The following XYLT1 variants were observed in gnomAD, a reference collection of about 807,000 sequenced individuals.
The protein encoded by XYLT1 is xylosyltransferase 1, also known as beta-D-xylosyltransferase 1.
Under a neutral mutation model 91.3 loss-of-function variants are expected in XYLT1, and 36 were observed. That is an observed-to-expected ratio of 0.39 (90% CI 0.30 to 0.52). The LOEUF (loss-of-function observed/expected upper bound fraction) is 0.52. Among genes scored for constraint, XYLT1 ranks in the 20% least tolerant of loss-of-function variants. XYLT1 has a pLI of 0.68. For synonymous variants in XYLT1, 588 were observed against 532.0 expected (o/e 1.11, Z -1.45); for missense variants, 1,242 against 1,284.5 (o/e 0.97, Z 0.51).
intron 3 of XYLT1, among the ~76,000 whole-genome samples, chr16:17,210,689 T>C (rs2032740998): frequency 1.3e-5 from 2 of 152,212 alleles, no homozygotes; most frequent in South Asian, 4.1e-4. Flanking sequence ...GGATTACAGG[T>C]GTGAGCCACC....
intron 2 of XYLT1, among the ~76,000 whole-genome samples, chr16:17,334,925 A>G (rs150337478): frequency 2.5e-4 from 38 of 151,558 alleles, no homozygotes; most frequent in Admixed American, 1.1e-3. Context: ...TATGGGTCCA[A>G]TAAAAACTAG....
chr16:17,126,704 CT>C (rs2030272688), intron 10 of XYLT1, among the ~76,000 whole-genome samples: 1 of 152,194 alleles, frequency 6.6e-6, no homozygotes, highest in Admixed American at 6.5e-5. Flanking sequence ...AAATCACGTC[CT>C]TAGCACTTAG....
chr16:17,384,581 T>C (rs1233877957), intron 1 of XYLT1, among the ~76,000 whole-genome samples: 1 of 151,916 alleles, frequency 6.6e-6, no homozygotes, highest in East Asian at 2.0e-4. Flanking sequence ...ATACTTTGAA[T>C]TGACTGAATC....
chr16:17,122,415 A>C (rs1052346206), intron 10 of XYLT1, among the ~76,000 whole-genome samples: 9 of 152,182 alleles, frequency 5.9e-5, no homozygotes, highest in Non-Finnish European at 1.0e-4. Context: ...CGGTCTATTC[A>C]TGGCCTTAGC....
At chr16:17,392,952 G>A (rs1385580830) in intron 1 of XYLT1, among the ~76,000 whole-genome samples, 1 of 152,254 alleles carries the variant, frequency 6.6e-6, no homozygotes, top group East Asian at 1.9e-4. Context: ...AATGCAAGAT[G>A]TGGGTTCGGT....
chr16:17,382,335 T>C (rs2035692453), intron 1 of XYLT1, among the ~76,000 whole-genome samples: 1 of 151,960 alleles, frequency 6.6e-6, no homozygotes, highest in Admixed American at 6.6e-5. Flanking sequence ...TGCTGCCCCA[T>C]AAAACTTTCT....
chr16:17,432,694 A>G (rs970600309), intron 1 of XYLT1, among the ~76,000 whole-genome samples: 1 of 152,160 alleles, frequency 6.6e-6, no homozygotes, highest in African/African-American at 2.4e-5. Flanking sequence ...AAGTTGTTTA[A>G]AAAAATGGTT....
chr16:17,176,516 GCA>G (rs1257623058), intron 5 of XYLT1, among the ~76,000 whole-genome samples: 2 of 152,198 alleles, frequency 1.3e-5, no homozygotes, highest in African/African-American at 4.8e-5. Flanking sequence ...CTCCTCAAGT[GCA>G]CACTTTCAAC....
At chr16:17,310,442 G>T (rs978837437) in intron 2 of XYLT1, among the ~76,000 whole-genome samples, 1 of 152,140 alleles carries the variant, frequency 6.6e-6, no homozygotes, top group African/African-American at 2.4e-5. Context: ...ACTGGCATCT[G>T]TCCCCACCAG....
At position 17,349,008 on chromosome 16, in the gene XYLT1, C is replaced by T. The variant is rs376634637; in HGVS notation, c.402+9004G>A. On this transcript the variant is annotated intron_variant, in intron 2 of 11. Coordinates refer to ENST00000261381, the MANE Select transcript of XYLT1 (RefSeq NM_022166.4). The stretch of plus-strand genomic sequence containing the variant: ...GCCTTGTTGCTCAGTGGCAGCACCA[C>T]GGGCTTCTGCCTCAGTGCTTGAAGT... Among the ~76,000 whole-genome samples, 9 of 152,350 alleles carry T rather than the reference C, an allele frequency of 5.9e-5. No homozygotes were observed. The South Asian group carries it at 1.0e-3, about 18-fold the overall frequency.
intron 1 of XYLT1, among the ~76,000 whole-genome samples, chr16:17,382,072 C>T (rs68127021): frequency 0.11 from 16,254 of 151,942 alleles, 1,368 homozygotes; most frequent in African/African-American, 0.23. Flanking sequence ...CCCACTGTGC[C>T]GTGCCCCCTC....
chr16:17,184,835 T>C (rs114946311), intron 5 of XYLT1, among the ~76,000 whole-genome samples: 2,566 of 152,302 alleles, frequency 0.017, 73 homozygotes, highest in African/African-American at 0.058. Flanking sequence ...ATCACATTTT[T>C]CCCCAGGACT....
At chr16:17,298,516 C>T (rs1477782500) in intron 2 of XYLT1, among the ~76,000 whole-genome samples, 1 of 152,124 alleles carries the variant, frequency 6.6e-6, no homozygotes, top group African/African-American at 2.4e-5. Flanking sequence ...TAGCACCTTT[C>T]CTGCTGCTCT....
At chr16:17,273,572 G>A (rs910457901) in intron 2 of XYLT1, among the ~76,000 whole-genome samples, 5 of 152,178 alleles carry the variant, frequency 3.3e-5, no homozygotes, top group African/African-American at 1.2e-4. Context: ...CGCCAGGCAT[G>A]GTGGCTCATG....
chr16:17,341,040 C>T (rs1036996859), intron 2 of XYLT1, among the ~76,000 whole-genome samples: 2 of 152,110 alleles, frequency 1.3e-5, no homozygotes, highest in African/African-American at 4.8e-5. Flanking sequence ...AACAGGAAAC[C>T]ACGTAAGGCT....
chr16:17,357,095 T>C (rs570688496), intron 2 of XYLT1, among the ~76,000 whole-genome samples: 9 of 137,032 alleles, frequency 6.6e-5, no homozygotes, highest in Non-Finnish European at 1.4e-4. Context: ...AAGAATGGCG[T>C]GAACCCGGGA....
intron 1 of XYLT1, among the ~76,000 whole-genome samples, chr16:17,373,407 C>T (rs2035560527): frequency 6.6e-6 from 1 of 152,128 alleles, no homozygotes; most frequent in East Asian, 1.9e-4. Context: ...TAATGCTGGC[C>T]CCATTTTATA....
chr16:17,179,546 T>A (rs949302651), intron 5 of XYLT1, among the ~76,000 whole-genome samples: 6 of 152,200 alleles, frequency 3.9e-5, no homozygotes, highest in African/African-American at 1.4e-4. Context: ...TTCTACCTGA[T>A]ATATGACCCG....
chr16:17,389,754 T>G (rs576948432), intron 1 of XYLT1, among the ~76,000 whole-genome samples: 3 of 152,234 alleles, frequency 2.0e-5, no homozygotes, highest in Admixed American at 6.5e-5. Flanking sequence ...TCAAAGGGTG[T>G]AGGCTTCAAG....
Sources: gnomAD v4.1 joint callset for allele counts (sites outside exome capture counted in the v4.1 genomes callset) on GRCh38, gnomAD v4.1.1 for gene constraint, MANE v1.5 for transcripts, NCBI Gene and HGNC (gene_info 2026-07-23, HGNC 2026-07-21) for gene names.